Variants in GMEB1 observed in about 807,000 individuals in gnomAD.
GMEB1 encodes glucocorticoid modulatory element binding protein 1, also known as glucocorticoid modulatory element-binding protein 1.
A neutral mutation model predicts 52.4 loss-of-function variants in GMEB1; 6 were observed. The ratio of observed to expected loss-of-function variants is 0.11; its 90% CI spans 0.06 to 0.23. GMEB1 has a LOEUF of 0.23. GMEB1 is among the 10% of genes least tolerant of loss of function. The probability of loss-of-function intolerance (pLI) is 1.00; values close to 1 mark genes in which losing one functional copy is unlikely to be tolerated. For synonymous variants in GMEB1, 255 were observed against 244.9 expected, an observed-to-expected ratio of 1.04 and a Z score of -0.38; for missense variants, 486 against 685.6, an observed-to-expected ratio of 0.71 and a Z score of 3.25.
chr1:28,678,736 G>A (rs1010434461), intron 1 of GMEB1, among the ~76,000 whole-genome samples: 2 of 151,568 alleles, frequency 1.3e-5, no homozygotes, highest in African/African-American at 2.4e-5. Flanking sequence ...ACAGGTTCAC[G>A]TTACCACACC....
intron 6 of GMEB1, among the ~76,000 whole-genome samples, chr1:28,701,504 G>A (rs1670515323): frequency 6.6e-6 from 1 of 152,020 alleles, no homozygotes; most frequent in Admixed American, 6.6e-5. Flanking sequence ...TCCTGATCTC[G>A]TGATCCGCCC....
At chr1:28,673,014 G>C (rs1051773149) in intron 1 of GMEB1, among the ~76,000 whole-genome samples, 3 of 152,150 alleles carry the variant, frequency 2.0e-5, no homozygotes, top group Admixed American at 1.3e-4. Flanking sequence ...TCCTGCCTCA[G>C]CTTCCCGAGT....
At chr1:28,671,004 TATCCC>T (rs1356081189) in intron 1 of GMEB1, among the ~76,000 whole-genome samples, 1 of 152,156 alleles carries the variant, frequency 6.6e-6, no homozygotes, top group Admixed American at 6.6e-5. Flanking sequence ...AAATAACTCT[TATCCC>T]ATCGCTCCCT....
intron 1 of GMEB1, among the ~76,000 whole-genome samples, chr1:28,678,343 G>T (rs1469182111): frequency 6.6e-6 from 1 of 152,152 alleles, no homozygotes; most frequent in Non-Finnish European, 1.5e-5. Context: ...ACGGAGTCTC[G>T]CTCTGTCGCC....
At chr1:28,697,602 G>T (rs540519965) in intron 6 of GMEB1, among the ~76,000 whole-genome samples, 16 of 152,318 alleles carry the variant, frequency 1.1e-4, no homozygotes, top group Admixed American at 9.2e-4. Flanking sequence ...TTGGAAACAT[G>T]CTTTGTTTTC....
chr1:28,687,382 ACACAC>A lies in GMEB1; in HGVS notation c.129-2721_129-2717del, dbSNP rs200048228. Among the ~76,000 whole-genome samples, 126 of 112,106 alleles carry A rather than the reference ACACAC, an allele frequency of 1.1e-3. 25 individuals are homozygous for A. In the Middle Eastern group the frequency reaches 0.023, roughly 20 times the overall value. 73.5% of individuals were successfully genotyped at this position (112,106 alleles called of 152,430 possible). A position where few individuals can be genotyped will look rare whatever the true frequency, so the allele number is the denominator to read the frequency against. On this transcript the variant is annotated intron_variant, in intron 2 of 9. Transcript: ENST00000373816. ...CACACACACACACACACACACACAC[ACACAC>A]AAAAAAAGACAGTGGAGAATAATGT...
At chr1:28,698,778 G>T (rs1458035163) in intron 6 of GMEB1, among the ~76,000 whole-genome samples, 1 of 152,048 alleles carries the variant, frequency 6.6e-6, no homozygotes, top group African/African-American at 2.4e-5. Context: ...GAGGTCAGGA[G>T]TTCAAGACCA....
At chr1:28,706,044 C>CT (rs1247636081) in intron 8 of GMEB1, among the ~76,000 whole-genome samples, 1 of 151,780 alleles carries the variant, frequency 6.6e-6, no homozygotes, top group African/African-American at 2.4e-5. Context: ...GTCTCAGCTA[C>CT]TTGAGAGGCT....
chr1:28,707,278 G>A (rs947294418), intron 8 of GMEB1, among the ~76,000 whole-genome samples: 1 of 151,980 alleles, frequency 6.6e-6, no homozygotes, highest in African/African-American at 2.4e-5. Context: ...CACTGTGCCT[G>A]TAAAATTTTA....
chr1:28,709,738 G>A (rs1363667187), intron 8 of GMEB1, among the ~76,000 whole-genome samples: 4 of 151,978 alleles, frequency 2.6e-5, no homozygotes, highest in Admixed American at 6.6e-5. Flanking sequence ...CCACCACACC[G>A]AGCTAATTTT....
chr1:28,678,189 CAAA>C (rs879676470), intron 1 of GMEB1, among the ~76,000 whole-genome samples: 2 of 97,626 alleles, frequency 2.0e-5, no homozygotes. Flanking sequence ...GACTTCGTCT[CAAA>C]AAAAAAAAAA....
chr1:28,700,676 C>A lies in GMEB1; in HGVS notation c.599-1762C>A, dbSNP rs1670461188. On this transcript the variant is annotated intron_variant, in intron 6 of 9. Coordinates refer to ENST00000373816, the MANE Select transcript of GMEB1 (RefSeq NM_001319674.2). ...CTTCAGCCTGGGCAACAAAGTGAGA[C>A]TCTGTCTCAAAAAAAAAAAAAAAAG... Among the ~76,000 whole-genome samples, 5 of 148,490 alleles carry A rather than the reference C, an allele frequency of 3.4e-5. No individual in the cohort carries two copies. The South Asian group carries it at 6.3e-4, about 19-fold the overall frequency.
chr1:28,676,859 C>A (rs781419198), intron 1 of GMEB1, among the ~76,000 whole-genome samples: 1 of 152,074 alleles, frequency 6.6e-6, no homozygotes, highest in Non-Finnish European at 1.5e-5. Flanking sequence ...CAAGACCAGC[C>A]TGGCCAAGAT....
chr1:28,679,424 G>A (rs1184539216), intron 1 of GMEB1, among the ~76,000 whole-genome samples: 10 of 151,870 alleles, frequency 6.6e-5, no homozygotes, highest in African/African-American at 1.5e-4. Flanking sequence ...GTGATCCACC[G>A]GTCTTGGCCT....
intron 8 of GMEB1, among the ~76,000 whole-genome samples, chr1:28,708,305 CA>C (rs1553139740): frequency 6.6e-6 from 1 of 151,826 alleles, no homozygotes; most frequent in Non-Finnish European, 1.5e-5. Context: ...GCTGGTACTA[CA>C]GGTGCCTGCC....
intron 2 of GMEB1, among the ~76,000 whole-genome samples, chr1:28,687,342 A>T (rs1292025100): frequency 2.7e-5 from 1 of 36,818 alleles, no homozygotes; most frequent in African/African-American, 1.1e-4. Flanking sequence ...TCTCACACAC[A>T]CACACACACA....
At chr1:28,675,124 TCTC>T (rs1270133441) in intron 1 of GMEB1, among the ~76,000 whole-genome samples, 2 of 150,366 alleles carry the variant, frequency 1.3e-5, no homozygotes, top group Non-Finnish European at 3.0e-5. Context: ...TTCACGCCAT[TCTC>T]CTGCCTCAGC....
chr1:28,690,210 T>G (rs745457997), intron 3 of GMEB1, 24 bp downstream of exon 3: 49 of 1,064,436 alleles, frequency 4.6e-5, no homozygotes, highest in Admixed American at 1.2e-4. Flanking sequence ...TGTGTTTTTT[T>G]TTTTTTTTTT....
Position 28,704,590 on chromosome 1 carries a change from T to C in GMEB1, c.868+261T>C, listed in dbSNP as rs561849388. ...TAGTCTGGGCAACATAGTGAGATGC[T>C]TTGTCTCCACAAAAAAAATTTTTTT... On this transcript the variant is annotated intron_variant, in intron 8 of 9. Transcript: ENST00000373816. 3.9e-5 allele frequency among the ~76,000 whole-genome samples: 6 copies of C among 152,276 alleles called. No individual in the cohort carries two copies. In the East Asian group the frequency reaches 1.2e-3, roughly 29 times the overall value.
Sources: gnomAD v4.1 joint callset for allele counts (sites outside exome capture counted in the v4.1 genomes callset) on GRCh38, gnomAD v4.1.1 for gene constraint, MANE v1.5 for transcripts, NCBI Gene and HGNC (gene_info 2026-07-23, HGNC 2026-07-21) for gene names.